Variants in PTPN4 observed in about 807,000 individuals in gnomAD.
PTPN4 encodes the protein protein tyrosine phosphatase non-receptor type 4.
In PTPN4, 49 loss-of-function variants were observed where a neutral mutation model predicts 135.5. That is an observed-to-expected ratio of 0.36 (90% confidence interval 0.29 to 0.46). The LOEUF is 0.46. Among genes scored for constraint, PTPN4 ranks in the 20% least tolerant of loss-of-function variants. The pLI, the probability that PTPN4 is intolerant of heterozygous loss-of-function variation, is 1.00. For missense variants in PTPN4, 860 were observed against 1,101.0 expected, an observed-to-expected ratio of 0.78 and a Z score of 3.10; for synonymous variants, 333 against 369.9, an observed-to-expected ratio of 0.90 and a Z score of 1.14.
At chr2:119,800,197 A>T (rs1405622778) in intron 1 of PTPN4, among the ~76,000 whole-genome samples, 1 of 152,100 alleles carries the variant, frequency 6.6e-6, no homozygotes, top group Non-Finnish European at 1.5e-5. Flanking sequence ...AGATATTTGA[A>T]TTGTATGTAT....
At chr2:119,942,106 G>A (rs762799278) in intron 15 of PTPN4, among the ~76,000 whole-genome samples, 6 of 152,102 alleles carry the variant, frequency 3.9e-5, no homozygotes, top group Non-Finnish European at 8.8e-5. Context: ...GGCCAAAATT[G>A]GCCCATAATC....
Position 119,881,882 on chromosome 2 carries a change from C to A in PTPN4, c.413+52C>A, listed in dbSNP as rs771285376. On this transcript the variant is annotated intron_variant, in intron 6 of 26. Coordinates refer to ENST00000263708, the MANE Select transcript of PTPN4 (RefSeq NM_002830.4). ...TTTTTTGTAATGGACTTTAAAAATA[C>A]TTTTTAAATCTGTGTTAAGTAATTC... is the stretch of plus-strand genomic sequence containing the variant. 32 of 1,327,520 alleles carry A rather than the reference C, an allele frequency of 2.4e-5. 1 individual carries two copies. The South Asian group carries it at 3.9e-4, about 16-fold the overall frequency. 82.2% of individuals were successfully genotyped at this position (1,327,520 alleles called of 1,614,324 possible). A position where few individuals can be genotyped will look rare whatever the true frequency, so the allele number is the denominator to read the frequency against.
intron 1 of PTPN4, among the ~76,000 whole-genome samples, chr2:119,783,773 T>C (rs1332663228): frequency 6.6e-6 from 1 of 152,216 alleles, no homozygotes; most frequent in Non-Finnish European, 1.5e-5. Context: ...GTTTAAGTTA[T>C]TGTTGCTGCA....
intron 9 of PTPN4, among the ~76,000 whole-genome samples, chr2:119,893,074 A>G (rs1678265048): frequency 6.6e-6 from 1 of 152,126 alleles, no homozygotes; most frequent in Non-Finnish European, 1.5e-5. Context: ...CAAAACCATT[A>G]GAGAGTTTTG....
chr2:119,975,999 ATTTTT>A (rs70949379), intron 26 of PTPN4, among the ~76,000 whole-genome samples: 5 of 117,568 alleles, frequency 4.3e-5, no homozygotes, highest in South Asian at 2.7e-4. Flanking sequence ...TTATTTATTT[ATTTTT>A]TTTTTTTTTG....
intron 2 of PTPN4, among the ~76,000 whole-genome samples, chr2:119,812,681 A>G (rs937666492): frequency 2.0e-5 from 3 of 152,162 alleles, no homozygotes; most frequent in Non-Finnish European, 2.9e-5. Flanking sequence ...TGGCCAACCT[A>G]TGGAGTGTAT....
intron 5 of PTPN4, 50 bp downstream of exon 5, chr2:119,877,592 T>C: frequency 3.9e-6 from 6 of 1,538,680 alleles, no homozygotes; most frequent in Non-Finnish European, 5.2e-6. Context: ...AACTCTAATA[T>C]GAAATTTTGA....
Position 119,760,066 on chromosome 2 carries a change from G to T in PTPN4, c.-336G>T, listed in dbSNP as rs1690449705. ...GGAAAGAGACTTGGCTTTGGCCGCG[G>T]GGTCGGAGGATTGGGGCCAGGCCCC... is the stretch of plus-strand genomic sequence containing the variant. On this transcript the variant is annotated 5_prime_UTR_variant, in exon 1 of 27. Transcript: ENST00000263708. 1 of 384,128 alleles carries T rather than the reference G, an allele frequency of 2.6e-6. No homozygotes were observed. The highest frequency in any genetic ancestry group is 4.6e-6 in the Non-Finnish European group (1 of 217,248). The allele number at this position is 384,128 out of a possible 1,614,324, so 23.8% of individuals were successfully genotyped here.
intron 9 of PTPN4, among the ~76,000 whole-genome samples, chr2:119,889,091 G>C (rs1015993334): frequency 3.3e-5 from 5 of 152,158 alleles, no homozygotes; most frequent in African/African-American, 9.6e-5. Flanking sequence ...ATTTCCTCTA[G>C]GTTTCCCAGT....
At chr2:119,951,041 A>G (rs1003115485) in intron 18 of PTPN4, among the ~76,000 whole-genome samples, 2 of 152,220 alleles carry the variant, frequency 1.3e-5, no homozygotes, top group African/African-American at 2.4e-5. Flanking sequence ...GAGAATTTAA[A>G]TGTTTTATTT....
At chr2:119,944,652 T>G (rs1248363966) in intron 15 of PTPN4, among the ~76,000 whole-genome samples, 1 of 152,194 alleles carries the variant, frequency 6.6e-6, no homozygotes, top group Non-Finnish European at 1.5e-5. Flanking sequence ...GAATCGTATT[T>G]TATTTCTAAA....
At chr2:119,836,592 G>C (rs985782961) in intron 2 of PTPN4, among the ~76,000 whole-genome samples, 1 of 152,254 alleles carries the variant, frequency 6.6e-6, no homozygotes, top group Non-Finnish European at 1.5e-5. Flanking sequence ...AGTTGGCAGA[G>C]TGGGAAACCT....
At chr2:119,803,883 T>C (rs1178438755) in intron 1 of PTPN4, among the ~76,000 whole-genome samples, 3 of 151,610 alleles carry the variant, frequency 2.0e-5, no homozygotes. Flanking sequence ...GACCATTTTA[T>C]CATTATGTAA....
At chr2:119,868,583 G>T (rs1261256872) in intron 3 of PTPN4, among the ~76,000 whole-genome samples, 1 of 152,170 alleles carries the variant, frequency 6.6e-6, no homozygotes, top group Non-Finnish European at 1.5e-5. Context: ...GGGTTTACCG[G>T]AATGAGGGCA....
At chr2:119,900,250 G>A (rs1678383880) in intron 9 of PTPN4, among the ~76,000 whole-genome samples, 1 of 151,900 alleles carries the variant, frequency 6.6e-6, no homozygotes, top group Non-Finnish European at 1.5e-5. Context: ...ATTAGTTATA[G>A]GACGTCTCAT....
At chr2:119,926,076 T>C (rs977042735) in intron 12 of PTPN4, among the ~76,000 whole-genome samples, 1 of 152,228 alleles carries the variant, frequency 6.6e-6, no homozygotes, top group Admixed American at 6.5e-5. Flanking sequence ...TTTGGCTGTT[T>C]TTATATGCAT....
At chr2:119,785,830 A>C (rs1367981952) in intron 1 of PTPN4, among the ~76,000 whole-genome samples, 1 of 152,118 alleles carries the variant, frequency 6.6e-6, no homozygotes, top group African/African-American at 2.4e-5. Context: ...GGGAGAGAGC[A>C]ATCAGAAGTT....
At position 119,934,847 on chromosome 2, in the gene PTPN4, C is replaced by T. The variant is rs971334771; in HGVS notation, c.1244C>T (p.Ser415Leu). 4.3e-6 allele frequency: 7 copies of T among 1,613,696 alleles called. No individual in the cohort carries two copies. The highest frequency in any genetic ancestry group is 5.9e-6 in the Non-Finnish European group (7 of 1,179,724). The change falls in exon 15 of 27, where the codon TCA becomes TTA. Residue 415 changes from serine (S) to leucine (L), a missense_variant. This residue lies in a region of PTPN4 where 684 missense variants were observed against 807.0 expected (regional missense o/e 0.85). Transcript: ENST00000263708. Reference protein sequence around the residue: ...TQEGTRLRPSSVGHLVDHMVH... With the variant: ...TQEGTRLRPSLVGHLVDHMVH... Reference sequence around the variant, plus strand: ...GAAGGAACCCGGTTACGACCATCTTCAGTTGGTCATTTGGTAGACCATATG... The same window carrying T: ...GAAGGAACCCGGTTACGACCATCTTTAGTTGGTCATTTGGTAGACCATATG...
At chr2:119,817,080 A>G (rs1349474164) in intron 2 of PTPN4, among the ~76,000 whole-genome samples, 1 of 152,222 alleles carries the variant, frequency 6.6e-6, no homozygotes, top group Non-Finnish European at 1.5e-5. Context: ...GCATTTGTCA[A>G]CTTTTGCTTT....
Sources: allele counts gnomAD v4.1 joint callset (sites outside exome capture counted in the v4.1 genomes callset), GRCh38; gene constraint gnomAD v4.1.1; regional missense constraint gnomAD v4.1.1; transcripts MANE v1.5; gene names NCBI Gene and HGNC (gene_info 2026-07-23, HGNC 2026-07-21).